GRK3: variants seen among roughly 807,000 people sequenced by gnomAD.
GRK3 encodes the protein adrenergic, beta, receptor kinase 2.
A neutral mutation model predicts 95.7 loss-of-function variants in GRK3; 54 were observed. The ratio of observed to expected loss-of-function variants is 0.56; its 90% CI spans 0.45 to 0.71. The LOEUF (loss-of-function observed/expected upper bound fraction) is 0.71, where lower values mean the gene tolerates loss of function less well. GRK3 is among the 30% of genes least tolerant of loss of function. GRK3 has a pLI of 0.00. For missense variants in GRK3, 649 were observed against 851.2 expected (o/e 0.76, Z 2.96); for synonymous variants, 281 against 290.8 (o/e 0.97, Z 0.34).
chr22:25,623,897 A>C (rs527414470), intron 2 of GRK3, among the ~76,000 whole-genome samples: 1 of 152,080 alleles, frequency 6.6e-6, no homozygotes, highest in Non-Finnish European at 1.5e-5. Flanking sequence ...TTCTTTCTCC[A>C]GCCCTTTTGT....
chr22:25,662,131 AT>A lies in GRK3; in HGVS notation c.366+463del, dbSNP rs200920234. 5.6e-3 allele frequency among the ~76,000 whole-genome samples: 856 copies of A among 151,626 alleles called. 16 individuals carry two copies. Among genetic ancestry groups the A allele is most frequent in the Middle Eastern group, 0.027 (8 of 294 alleles). On this transcript the variant is annotated intron_variant, in intron 4 of 20. Coordinates refer to ENST00000324198, the MANE Select transcript of GRK3 (RefSeq NM_005160.4). Reference sequence around the variant, plus strand: ...TTAATAGTTCAATAGCAGTTGTAATATTTTTTTTTCCTTGTAAATCAGATAA... The same window carrying A: ...TTAATAGTTCAATAGCAGTTGTAATATTTTTTTTCCTTGTAAATCAGATAA...
intron 3 of GRK3, chr22:25,648,118 A>AAAAAC (rs1474849766): frequency 2.8e-5 from 17 of 597,276 alleles, no homozygotes; most frequent in Non-Finnish European, 4.8e-5. Context: ...ACTCCGTCTA[A>AAAAAC]AAAACAAATA....
At chr22:25,635,486 A>G (rs1466403731) in intron 2 of GRK3, among the ~76,000 whole-genome samples, 2 of 152,272 alleles carry the variant, frequency 1.3e-5, no homozygotes, top group African/African-American at 2.4e-5. Flanking sequence ...CTTTTTTGCT[A>G]TAATTTTTCC....
intron 1 of GRK3, among the ~76,000 whole-genome samples, chr22:25,578,173 A>G (rs1207769762): frequency 1.3e-5 from 2 of 152,098 alleles, no homozygotes; most frequent in Non-Finnish European, 2.9e-5. Context: ...TATCATCCCC[A>G]GTCTTTAAAA....
chr22:25,629,448 A>G (rs772659147), intron 2 of GRK3, among the ~76,000 whole-genome samples: 1 of 152,228 alleles, frequency 6.6e-6, no homozygotes, highest in Non-Finnish European at 1.5e-5. Flanking sequence ...CCATCACCCC[A>G]AAGGCAACTA....
chr22:25,703,729 G>A (rs2085276489), intron 14 of GRK3, among the ~76,000 whole-genome samples, 153 bp downstream of exon 14: 1 of 152,150 alleles, frequency 6.6e-6, no homozygotes, highest in South Asian at 2.1e-4. Flanking sequence ...ACAAATAAAT[G>A]CAGATACAAT....
At chr22:25,677,967 C>T (rs546702950) in intron 8 of GRK3, among the ~76,000 whole-genome samples, 37 of 152,200 alleles carry the variant, frequency 2.4e-4, no homozygotes, top group Non-Finnish European at 4.9e-4. Context: ...TCTCAATTGA[C>T]TTGCCTCAAT....
At chr22:25,705,933 C>T (rs1055353821) in intron 15 of GRK3, among the ~76,000 whole-genome samples, 1 of 152,136 alleles carries the variant, frequency 6.6e-6, no homozygotes, top group Admixed American at 6.5e-5. Flanking sequence ...TTACCACTCG[C>T]GATGGCAGAC....
chr22:25,704,391 TGAA>T (rs1220026348), intron 15 of GRK3, among the ~76,000 whole-genome samples, 182 bp downstream of exon 15: 1 of 152,220 alleles, frequency 6.6e-6, no homozygotes, highest in Non-Finnish European at 1.5e-5. Context: ...ATTAAGAAGT[TGAA>T]GAAGTCACTC....
At chr22:25,614,497 A>C (rs2084523363) in intron 2 of GRK3, among the ~76,000 whole-genome samples, 1 of 152,176 alleles carries the variant, frequency 6.6e-6, no homozygotes, top group South Asian at 2.1e-4. Context: ...GTGTGATTGG[A>C]ATACTATTAG....
At chr22:25,699,530 C>T (rs1019293635) in intron 13 of GRK3, among the ~76,000 whole-genome samples, 6 of 152,056 alleles carry the variant, frequency 3.9e-5, no homozygotes, top group East Asian at 3.9e-4. Flanking sequence ...GGACAGCTCC[C>T]GCAACACCCC....
At chr22:25,598,413 C>T (rs2084386746) in intron 1 of GRK3, among the ~76,000 whole-genome samples, 1 of 152,098 alleles carries the variant, frequency 6.6e-6, no homozygotes, top group African/African-American at 2.4e-5. Flanking sequence ...TGGCTCACGC[C>T]TGTATCCCAG....
intron 2 of GRK3, among the ~76,000 whole-genome samples, chr22:25,620,049 T>TGTGA: frequency 6.7e-6 from 1 of 148,202 alleles, no homozygotes; most frequent in Admixed American, 6.7e-5. Flanking sequence ...TGTGTGTGTG[T>TGTGA]GTGTGTGTGG....
At chr22:25,702,544 A>G (rs1405323784) in intron 13 of GRK3, among the ~76,000 whole-genome samples, 1 of 152,232 alleles carries the variant, frequency 6.6e-6, no homozygotes, top group East Asian at 1.9e-4. Context: ...AAAATGAAAA[A>G]TAAACCATGG....
chr22:25,677,325 A>G (rs2085037746), intron 8 of GRK3, among the ~76,000 whole-genome samples: 1 of 150,210 alleles, frequency 6.7e-6, no homozygotes, highest in Non-Finnish European at 1.5e-5. Flanking sequence ...GTAATGAGGT[A>G]CAATCATCCC....
chr22:25,629,428 G>C (rs746407629), intron 2 of GRK3, among the ~76,000 whole-genome samples: 5 of 152,210 alleles, frequency 3.3e-5, no homozygotes, highest in Admixed American at 6.5e-5. Flanking sequence ...GCTGGAACCT[G>C]CTGGAACCAC....
Position 25,687,555 on chromosome 22 carries a change from A to G in GRK3, c.845A>G (p.His282Arg). The G allele has an allele frequency of 6.2e-7, 1 of 1,614,004 alleles. No individual in the cohort carries two copies. Among genetic ancestry groups the G allele is most frequent in the Non-Finnish European group, 8.5e-7 (1 of 1,179,964 alleles). The change falls in exon 11 of 21, where the codon CAC becomes CGC. Residue 282 changes from histidine (H) to arginine (R), a missense_variant. Around this residue, in one of 3 missense-constraint regions of GRK3, gnomAD observed 61 missense variants for 126.0 expected, o/e 0.48. Transcript: ENST00000324198. ...ATTCCAGGGGGCGATTTGCACTACC[A>G]CCTTTCACAACACGGTGTGTTCTCT... Reference protein sequence around the residue: ...DLMNGGDLHYHLSQHGVFSEK... With the variant: ...DLMNGGDLHYRLSQHGVFSEK...
intron 1 of GRK3, 59 bp downstream of exon 1, chr22:25,565,212 AC>A: frequency 2.2e-6 from 2 of 896,368 alleles, no homozygotes; most frequent in Non-Finnish European, 3.2e-6. Flanking sequence ...GCCGCCAGCT[AC>A]CCCCTGCTTC....
intron 2 of GRK3, among the ~76,000 whole-genome samples, chr22:25,608,646 C>T (rs915356403): frequency 2.0e-5 from 3 of 152,312 alleles, no homozygotes; most frequent in African/African-American, 4.8e-5. Context: ...CTGGCAGCAG[C>T]GAGGAAACAG....
Sources: gnomAD v4.1 joint callset for allele counts (sites outside exome capture counted in the v4.1 genomes callset) on GRCh38, gnomAD v4.1.1 for gene constraint, gnomAD v4.1.1 regional missense constraint, MANE v1.5 for transcripts, NCBI Gene and HGNC (gene_info 2026-07-23, HGNC 2026-07-21) for gene names.